The following RBFOX1 variants were observed in gnomAD, a reference collection of about 807,000 sequenced individuals.
The protein encoded by RBFOX1 is RNA binding protein fox-1 homolog 1.
Under a neutral mutation model 57.7 loss-of-function variants are expected in RBFOX1, and 8 were observed. The observed-to-expected ratio is 0.14, with a 90% confidence interval of 0.08 to 0.25. RBFOX1 has a LOEUF of 0.25. Ranked by LOEUF, RBFOX1 falls within the 10% of genes least tolerant of loss-of-function variation. RBFOX1 has a pLI of 1.00. For missense variants in RBFOX1, 611 were observed against 548.5 expected (o/e 1.11, Z -1.14); for synonymous variants, 326 against 222.4 (o/e 1.47, Z -4.15).
chr16:6,424,373 C>G (rs575125233), intron 2 of RBFOX1, among the ~76,000 whole-genome samples: 1 of 152,308 alleles, frequency 6.6e-6, no homozygotes, highest in East Asian at 1.9e-4. Flanking sequence ...TCTCATTCCA[C>G]TGGGTGCTTC....
intron 3 of RBFOX1, among the ~76,000 whole-genome samples, chr16:6,896,037 C>A (rs1378250764): frequency 6.6e-6 from 1 of 151,978 alleles, no homozygotes; most frequent in African/African-American, 2.4e-5. Context: ...GGTTGGGAGG[C>A]CGAGGTGGGC....
chr16:6,610,706 C>A (rs376086443), intron 2 of RBFOX1, among the ~76,000 whole-genome samples: 2 of 152,162 alleles, frequency 1.3e-5, no homozygotes, highest in Non-Finnish European at 2.9e-5. Flanking sequence ...GATCAGATTG[C>A]GAAGTGGTCT....
chr16:6,520,419 A>G (rs906863631), intron 2 of RBFOX1, among the ~76,000 whole-genome samples: 1 of 152,188 alleles, frequency 6.6e-6, no homozygotes, highest in Non-Finnish European at 1.5e-5. Context: ...ATAAAATCCT[A>G]ATTTTTAAAA....
chr16:5,327,988 G>A (rs937631060), intron 1 of RBFOX1, among the ~76,000 whole-genome samples: 2 of 152,184 alleles, frequency 1.3e-5, no homozygotes, highest in Admixed American at 6.5e-5. Flanking sequence ...AAAAGGAGAG[G>A]TATTTTGGAA....
intron 9 of RBFOX1, among the ~76,000 whole-genome samples, chr16:7,606,995 A>AG (rs1485146230): frequency 6.6e-6 from 1 of 152,202 alleles, no homozygotes; most frequent in Non-Finnish European, 1.5e-5. Context: ...GTTCTAAAAA[A>AG]TATTGATGGA....
intron 9 of RBFOX1, among the ~76,000 whole-genome samples, chr16:7,602,121 T>G (rs944360270): frequency 6.6e-6 from 1 of 152,226 alleles, no homozygotes; most frequent in African/African-American, 2.4e-5. Flanking sequence ...AGAGAAAGCC[T>G]GTGCTGATGT....
chr16:6,134,038 G>T (rs750409609), intron 1 of RBFOX1, among the ~76,000 whole-genome samples: 6 of 151,908 alleles, frequency 3.9e-5, no homozygotes, highest in African/African-American at 7.3e-5. Context: ...CTGGGTTCAA[G>T]TGATTCTCCT....
At chr16:6,955,415 C>A (rs1015516641) in intron 3 of RBFOX1, among the ~76,000 whole-genome samples, 2 of 151,872 alleles carry the variant, frequency 1.3e-5, no homozygotes, top group African/African-American at 4.8e-5. Context: ...TCTGGACTTA[C>A]TGATTAATTT....
At chr16:6,913,605 C>G (rs1011189949) in intron 3 of RBFOX1, among the ~76,000 whole-genome samples, 2 of 152,118 alleles carry the variant, frequency 1.3e-5, no homozygotes, top group Admixed American at 6.5e-5. Context: ...CAAGCTTTTC[C>G]CAGAGCAACT....
rs577960526 is a variant in RBFOX1, at chr16:7,343,728, C to G, written c.28-174419C>G. On this transcript the variant is annotated intron_variant, in intron 4 of 15. Transcript: ENST00000550418. ...GGTGGTATGGAGTAGGGTGTGAGCT[C>G]TAGAGCAGACTGCCTGGTTCATCTG... is the stretch of plus-strand genomic sequence containing the variant. 3.9e-4 allele frequency among the ~76,000 whole-genome samples: 59 copies of G among 152,250 alleles called. 1 individual carries two copies. The highest frequency in any genetic ancestry group is 1.3e-3 in the African/African-American group (55 of 41,554).
rs148923749 is a variant in RBFOX1 at position 7,695,250 on chromosome 16, C to A, written c.996-13806C>A. Among the ~76,000 whole-genome samples the A allele has an allele frequency of 5.6e-4, 85 of 152,284 alleles. 3 individuals are homozygous for A. In the East Asian group the frequency reaches 0.015, roughly 27 times the overall value. ...TTTGAATGAAGCATGAAAAAGGAGA[C>A]ACCCATATCCATCAAATGTCAGATT... is the stretch of plus-strand genomic sequence containing the variant. On this transcript the variant is annotated intron_variant, in intron 14 of 15. Coordinates refer to ENST00000550418, the MANE Select transcript of RBFOX1 (RefSeq NM_018723.4).
intron 3 of RBFOX1, among the ~76,000 whole-genome samples, chr16:5,645,934 C>T (rs774233732): frequency 6.6e-6 from 1 of 152,138 alleles, no homozygotes. Context: ...CTCCTGGGCT[C>T]AAGTGATTTT....
At chr16:6,967,187 T>G (rs909131283) in intron 3 of RBFOX1, among the ~76,000 whole-genome samples, 2 of 152,158 alleles carry the variant, frequency 1.3e-5, no homozygotes, top group Non-Finnish European at 2.9e-5. Context: ...ACATCCATTT[T>G]CTATCTATAC....
At chr16:7,034,880 G>C (rs1411444283) in intron 3 of RBFOX1, among the ~76,000 whole-genome samples, 5 of 20,034 alleles carry the variant, frequency 2.5e-4, no homozygotes, top group Admixed American at 5.3e-4. Flanking sequence ...ATGGAGTCCT[G>C]CTCTGTTGCC....
At position 7,419,277 on chromosome 16, in the gene RBFOX1, G is replaced by A. The variant is rs532760686; in HGVS notation, c.28-98870G>A. 2.6e-5 allele frequency among the ~76,000 whole-genome samples: 4 copies of A among 152,124 alleles called. No individual in the cohort carries two copies. The South Asian group carries it at 8.3e-4, about 32-fold the overall frequency. ...TGGTTGCTGCCTTGTCCCTTTACCT[G>A]TTGTTCCTCTTCAATCATTGCAACA... On this transcript the variant is annotated intron_variant, in intron 4 of 15. Transcript: ENST00000550418.
intron 2 of RBFOX1, chr16:6,483,497 A>G (rs1195119171): frequency 5.9e-6 from 9 of 1,535,620 alleles, no homozygotes; most frequent in African/African-American, 5.5e-5. Context: ...TTTGCAGCCG[A>G]CAATGAAATC....
At chr16:7,220,832 G>A (rs767538399) in intron 4 of RBFOX1, among the ~76,000 whole-genome samples, 1 of 152,004 alleles carries the variant, frequency 6.6e-6, no homozygotes, top group Non-Finnish European at 1.5e-5. Context: ...GGATTCTCTT[G>A]ATCTCTATCC....
intron 4 of RBFOX1, among the ~76,000 whole-genome samples, chr16:7,511,222 G>T (rs888895666): frequency 6.6e-6 from 1 of 152,114 alleles, no homozygotes; most frequent in African/African-American, 2.4e-5. Flanking sequence ...GTTGAAATAC[G>T]GTTTACCTTC....
chr16:6,541,743 G>C (rs148843174), intron 2 of RBFOX1, among the ~76,000 whole-genome samples: 3 of 152,244 alleles, frequency 2.0e-5, no homozygotes, highest in East Asian at 3.9e-4. Flanking sequence ...CTGTGGGCAG[G>C]AGCTAATGAT....
Sources: gnomAD v4.1 joint callset for allele counts (sites outside exome capture counted in the v4.1 genomes callset) on GRCh38, gnomAD v4.1.1 for gene constraint, MANE v1.5 for transcripts, NCBI Gene and HGNC (gene_info 2026-07-23, HGNC 2026-07-21) for gene names.